SPTB: variants seen among roughly 807,000 people sequenced by gnomAD.
SPTB encodes the protein spectrin beta, erythrocytic, also known as spectrin beta chain, erythrocytic.
A neutral mutation model predicts 256.2 loss-of-function variants in SPTB; 45 were observed. The ratio of observed to expected loss-of-function variants is 0.18; its 90% CI spans 0.14 to 0.23. The LOEUF (loss-of-function observed/expected upper bound fraction) is 0.23. Ranked by LOEUF, SPTB falls within the 10% of genes least tolerant of loss-of-function variation. The pLI, the probability that SPTB is intolerant of heterozygous loss-of-function variation, is 1.00. For synonymous variants in SPTB, 1,231 were observed against 1,243.1 expected, an observed-to-expected ratio of 0.99 and a Z score of 0.21; for missense variants, 2,715 against 3,040.4, an observed-to-expected ratio of 0.89 and a Z score of 2.52.
At chr14:64,828,562 A>AC in intron 1 of SPTB, among the ~76,000 whole-genome samples, 1 of 152,316 alleles carries the variant, frequency 6.6e-6, no homozygotes, top group Non-Finnish European at 1.5e-5. Flanking sequence ...AATGGTAAAA[A>AC]CCACAATTAC....
chr14:64,751,925 T>G (rs1156291969), intron 33 of SPTB, among the ~76,000 whole-genome samples: 4 of 73,596 alleles, frequency 5.4e-5, no homozygotes, highest in African/African-American at 1.2e-4. Flanking sequence ...CTACTAAAAA[T>G]GCAAAAAAAA....
In SPTB at chr14:64,785,164, T is replaced by C. The variant is rs971061139; in HGVS notation, c.3855+373A>G. 6.6e-6 allele frequency among the ~76,000 whole-genome samples: 1 copy of C among 152,132 alleles called. No homozygotes were observed. The highest frequency in any genetic ancestry group is 2.4e-5 in the African/African-American group (1 of 41,424). ...TTCAAAAGCATGAAGAATTTCAAGA[T>C]GGCAAGAGTAGAGCATTAACCTGAG... On this transcript the variant is annotated intron_variant, in intron 18 of 35. Coordinates refer to ENST00000644917, the MANE Select transcript of SPTB (RefSeq NM_001355436.2). This position sits in a 1 kb window ranked among gnomAD's most constrained non-coding sequence, Gnocchi z 4.4.
At position 64,775,333 on chromosome 14, in the gene SPTB, A is replaced by T; in HGVS notation, c.4634T>A (p.Val1545Glu). 1 of 1,613,382 alleles carries T rather than the reference A, an allele frequency of 6.2e-7. No homozygotes were observed. The highest frequency in any genetic ancestry group is 8.5e-7 in the Non-Finnish European group (1 of 1,179,776). The part of the protein sequence containing the change: ...EDVLQRGQQL[V>E]EAAEIDCQDL... The stretch of plus-strand genomic sequence containing the variant: ...CTGGCAGTCGATCTCCGCCGCCTCC[A>T]CCAGCTGCTGCCCTCTCTGCAGCAC... Residue 1545 changes from valine to glutamate, a missense_variant, in exon 23 of 36, where the codon GTG becomes GAG. Physicochemically the swap from Val to Glu is moderately radical, Grantham distance 121. Transcript: ENST00000644917. The surrounding 1 kb of genome is among the most constrained non-coding windows in gnomAD (Gnocchi z 5.0).
At chr14:64,851,188 C>T (rs1313710328) in intron 1 of SPTB, among the ~76,000 whole-genome samples, 3 of 152,136 alleles carry the variant, frequency 2.0e-5, no homozygotes, top group East Asian at 1.9e-4. Flanking sequence ...ATGTTATTTC[C>T]GCTAGTGGAA....
chr14:64,841,666 G>A lies in SPTB; in HGVS notation c.-51-18521C>T, dbSNP rs1399842368. ...AAGATAGGAAAGCATTGTGGGTAAC[G>A]TTCCCAGGACAGACCAGTGGCAGAG... On this transcript the variant is annotated intron_variant, in intron 1 of 35. Transcript: ENST00000644917. The surrounding 1 kb of genome is among the most constrained non-coding windows in gnomAD (Gnocchi z 4.6). Among the ~76,000 whole-genome samples the A allele has an allele frequency of 2.0e-5, 3 of 152,048 alleles. No homozygotes were observed. The highest frequency in any genetic ancestry group is 2.9e-5 in the Non-Finnish European group (2 of 68,030).
chr14:64,787,626 T>C (rs546006111), intron 15 of SPTB, among the ~76,000 whole-genome samples: 1 of 151,978 alleles, frequency 6.6e-6, no homozygotes, highest in African/African-American at 2.4e-5. Context: ...CTGAAAGAGA[T>C]CACCTTGGAT....
rs1323500361 is a variant in SPTB at position 64,746,696 on chromosome 14, A to C, written c.*2610T>G. ...GGGGAGGGAAGCCTAAGGACCCTCCACACCTCCCACAGCCAGAGTCAGTTG... is the reference window on the plus strand; with the variant it reads ...GGGGAGGGAAGCCTAAGGACCCTCCCCACCTCCCACAGCCAGAGTCAGTTG... On this transcript the variant is annotated 3_prime_UTR_variant, in exon 36 of 36. Transcript: ENST00000644917. This position sits in a 1 kb window ranked among gnomAD's most constrained non-coding sequence, Gnocchi z 4.9. The C allele has an allele frequency of 6.6e-6, 1 of 152,414 alleles. No homozygotes were observed. Among genetic ancestry groups the C allele is most frequent in the Non-Finnish European group, 1.5e-5 (1 of 68,088 alleles). 9.4% of individuals were successfully genotyped at this position (152,414 alleles called of 1,614,324 possible). A position where few individuals can be genotyped will look rare whatever the true frequency, so the allele number is the denominator to read the frequency against.
In SPTB at chr14:64,765,017, A is replaced by AGTGTGTGTGTGTGTGTGTGT. The variant is rs749379191; in HGVS notation, c.6345+1708_6345+1709insACACACACACACACACACAC. ...CTGGCCAGGCTGGAGGCCACAGAGG[A>AGTGTGTGTGTGTGTGTGTGT]GTGTGTGCGTGTGTGTGTGTGTGTG... On this transcript the variant is annotated intron_variant, in intron 32 of 35. Coordinates refer to ENST00000644917, the MANE Select transcript of SPTB (RefSeq NM_001355436.2). Among the ~76,000 whole-genome samples the AGTGTGTGTGTGTGTGTGTGT allele has an allele frequency of 7.4e-3, 801 of 108,702 alleles. 10 individuals carry two copies. The highest frequency in any genetic ancestry group is 0.028 in the South Asian group (86 of 3,104). 71.3% of individuals were successfully genotyped at this position (108,702 alleles called of 152,430 possible). A position where few individuals can be genotyped will look rare whatever the true frequency, so the allele number is the denominator to read the frequency against.
At chr14:64,843,697 A>G (rs571098253) in intron 1 of SPTB, among the ~76,000 whole-genome samples, 1 of 152,272 alleles carries the variant, frequency 6.6e-6, no homozygotes, top group South Asian at 2.1e-4. Flanking sequence ...CAACCTGAGG[A>G]CCACGACTGG....
intron 10 of SPTB, 67 bp downstream of exon 10, chr14:64,797,662 T>C: frequency 3.3e-6 from 4 of 1,226,638 alleles, no homozygotes; most frequent in South Asian, 1.2e-5. Flanking sequence ...CCAATGACCA[T>C]TCACTGTGTC....
chr14:64,767,235 G>A (rs2082199641), intron 31 of SPTB, 68 bp downstream of exon 31: 1 of 1,597,426 alleles, frequency 6.3e-7, no homozygotes, highest in Non-Finnish European at 8.6e-7. Context: ...TCAGGTTTCT[G>A]ATGAAAGGCA....
At chr14:64,791,994 G>C in intron 14 of SPTB, 138 bp from the exon 15 acceptor site, 1 of 1,206,890 alleles carries the variant, frequency 8.3e-7, no homozygotes, top group Non-Finnish European at 1.2e-6. Flanking sequence ...AGGTGAGGCA[G>C]GAGGAAGAAA....
At chr14:64,857,305 G>A (rs2083888840) in intron 1 of SPTB, among the ~76,000 whole-genome samples, 2 of 152,012 alleles carry the variant, frequency 1.3e-5, no homozygotes, top group African/African-American at 2.4e-5. Context: ...ATCCCGGGCC[G>A]GACACAGTGG....
At chr14:64,810,810 T>C (rs1447606844) in intron 2 of SPTB, among the ~76,000 whole-genome samples, 1 of 152,254 alleles carries the variant, frequency 6.6e-6, no homozygotes, top group Non-Finnish European at 1.5e-5. Flanking sequence ...AAAGTTCAAC[T>C]ACATTAAAAT....
At position 64,782,503 on chromosome 14, in the gene SPTB, G is replaced by C. The variant is rs1363873197; in HGVS notation, c.4053C>G (p.Ser1351=). Reference sequence around the variant, plus strand: ...GCCGGTGCAGGGCTTCCAGCTTTTGGGACACCAGGGCTGTAAACTGGGGCT... The same window carrying C: ...GCCGGTGCAGGGCTTCCAGCTTTTGCGACACCAGGGCTGTAAACTGGGGCT... ...DEKPQFTALV[S]QKLEALHRLW... is the part of the protein sequence containing the mutation. Residue 1351 remains serine, a synonymous_variant, in exon 20 of 36, where the codon TCC becomes TCG. Coordinates refer to ENST00000644917, the MANE Select transcript of SPTB (RefSeq NM_001355436.2). The C allele has an allele frequency of 6.2e-7, 1 of 1,614,096 alleles. No homozygotes were observed. Among genetic ancestry groups the C allele is most frequent in the South Asian group, 1.1e-5 (1 of 91,084 alleles).
chr14:64,769,991 T>C (rs1433578907), intron 27 of SPTB, among the ~76,000 whole-genome samples: 1 of 152,118 alleles, frequency 6.6e-6, no homozygotes, highest in Non-Finnish European at 1.5e-5. Flanking sequence ...TAGTGGGCAA[T>C]AAAAAGGAAT....
At chr14:64,784,649 C>T (rs1320970534) in intron 18 of SPTB, among the ~76,000 whole-genome samples, 1 of 152,238 alleles carries the variant, frequency 6.6e-6, no homozygotes, top group Non-Finnish European at 1.5e-5. Context: ...ATACTTTACG[C>T]TCCTCTCCAT....
chr14:64,828,536 T>C (rs2083406956), intron 1 of SPTB, among the ~76,000 whole-genome samples: 1 of 152,104 alleles, frequency 6.6e-6, no homozygotes, highest in Non-Finnish European at 1.5e-5. Flanking sequence ...TAATTGTGGG[T>C]TTTGCCATTA....
chr14:64,797,764 G>T lies in SPTB; in HGVS notation c.1147C>A (p.Pro383Thr). 1 of 1,613,970 alleles carries T rather than the reference G, an allele frequency of 6.2e-7. No homozygotes were observed. The highest frequency in any genetic ancestry group is 2.2e-5 in the East Asian group (1 of 44,878). Residue 383 changes from proline to threonine, a missense_variant, in exon 10 of 36, where the codon CCC becomes ACC. Coordinates refer to ENST00000644917, the MANE Select transcript of SPTB (RefSeq NM_001355436.2). ...TCAGACACTAGTTTCCCATCGTGGG[G>T]TGTGTACACTTTCTGATTGTTGGCT... ...MRANNQKVYT[P>T]HDGKLVSDIN...
Sources: gnomAD v4.1 joint callset for allele counts (sites outside exome capture counted in the v4.1 genomes callset) on GRCh38, gnomAD v4.1.1 for gene constraint, Gnocchi (gnomAD v3.1) non-coding constraint, MANE v1.5 for transcripts, NCBI Gene and HGNC (gene_info 2026-07-23, HGNC 2026-07-21) for gene names.